The following RNF220 variants were observed in gnomAD, a reference collection of about 807,000 sequenced individuals.
RNF220 encodes E3 ubiquitin-protein ligase RNF220.
A neutral mutation model predicts 67.1 loss-of-function variants in RNF220; 7 were observed. The observed-to-expected ratio is 0.10, with a 90% CI of 0.06 to 0.20. RNF220 has a LOEUF of 0.20. Among genes scored for constraint, RNF220 ranks in the 10% least tolerant of loss-of-function variants. The probability of loss-of-function intolerance (pLI) is 1.00; values close to 1 mark genes in which losing one functional copy is unlikely to be tolerated. For synonymous variants in RNF220, 270 were observed against 283.2 expected (o/e 0.95, Z 0.47); for missense variants, 565 against 740.3 (o/e 0.76, Z 2.75).
chr1:44,592,265 G>A (rs767713351), intron 2 of RNF220, among the ~76,000 whole-genome samples: 3 of 152,222 alleles, frequency 2.0e-5, no homozygotes, highest in Non-Finnish European at 4.4e-5. Flanking sequence ...GGAGAGCAAG[G>A]GAGCCTGGGA....
intron 2 of RNF220, among the ~76,000 whole-genome samples, chr1:44,504,932 C>T (rs1291190161): frequency 6.6e-6 from 1 of 152,186 alleles, no homozygotes; most frequent in Non-Finnish European, 1.5e-5. Flanking sequence ...AACCACATCA[C>T]TGGTTCTGAC....
chr1:44,419,925 C>G (rs367711398), intron 2 of RNF220: 1 of 152,216 alleles, frequency 6.6e-6, no homozygotes, highest in Non-Finnish European at 1.5e-5. Flanking sequence ...TGGAGCCTAT[C>G]CCCTTTCCAA....
intron 2 of RNF220, among the ~76,000 whole-genome samples, chr1:44,568,183 C>T (rs1572904310): frequency 6.6e-6 from 1 of 152,206 alleles, no homozygotes; most frequent in South Asian, 2.1e-4. Flanking sequence ...TGCTGAGAAT[C>T]CTCCAGTAAC....
chr1:44,407,157 G>A (rs931914332), intron 1 of RNF220, among the ~76,000 whole-genome samples: 42 of 152,250 alleles, frequency 2.8e-4, no homozygotes, highest in African/African-American at 9.6e-4. Flanking sequence ...TGGGGTCTGC[G>A]CCGGCCCACT....
intron 2 of RNF220, among the ~76,000 whole-genome samples, chr1:44,435,383 G>T (rs989723245): frequency 6.6e-6 from 1 of 152,164 alleles, no homozygotes; most frequent in African/African-American, 2.4e-5. Flanking sequence ...AATTAAATGA[G>T]ATAATGTATT....
chr1:44,455,962 G>A (rs1171484209), intron 2 of RNF220, among the ~76,000 whole-genome samples: 1 of 152,136 alleles, frequency 6.6e-6, no homozygotes, highest in Admixed American at 6.5e-5. Context: ...TAAGCTTTGG[G>A]GTGGGAGTAA....
Position 44,626,279 on chromosome 1 carries a change from T to G in RNF220, c.805-18T>G. 6.2e-7 allele frequency: 1 copy of G among 1,604,130 alleles called. No individual in the cohort carries two copies. Among genetic ancestry groups the G allele is most frequent in the Non-Finnish European group, 8.5e-7 (1 of 1,171,024 alleles). ...GTCTCATTTGGCCTGAGGCCACATG[T>G]CTTTTTTCTTCTTCCAGTCCCTCCT... is the stretch of plus-strand genomic sequence containing the variant. On this transcript the variant is annotated intron_variant, in intron 4 of 14. Coordinates refer to ENST00000361799, the MANE Select transcript of RNF220 (RefSeq NM_018150.4).
At chr1:44,549,355 G>A (rs949491034) in intron 2 of RNF220, among the ~76,000 whole-genome samples, 3 of 152,186 alleles carry the variant, frequency 2.0e-5, no homozygotes, top group African/African-American at 4.8e-5. Flanking sequence ...AAGTTTAAGC[G>A]AAGGAGGCAG....
intron 2 of RNF220, among the ~76,000 whole-genome samples, chr1:44,557,142 G>GTATGTATATATAATATATATACA (rs1558041049): frequency 1.4e-4 from 21 of 144,900 alleles, no homozygotes; most frequent in Non-Finnish European, 2.6e-4. Context: ...TTTTATATAC[G>GTATGTATATATAATATATATACA]TATGTATATA....
At chr1:44,501,361 T>G (rs1463390533) in intron 2 of RNF220, among the ~76,000 whole-genome samples, 1 of 147,994 alleles carries the variant, frequency 6.8e-6, no homozygotes, top group Admixed American at 6.7e-5. Context: ...AGAGAAAGGT[T>G]AATGCTAGAG....
chr1:44,503,333 CA>C (rs34103792), intron 2 of RNF220, among the ~76,000 whole-genome samples: 31,647 of 83,322 alleles, frequency 0.38, 3,196 homozygotes, highest in East Asian at 0.52. Flanking sequence ...GATGCTGTCT[CA>C]AAAAAAAAAA....
At chr1:44,450,928 A>G (rs1652605473) in intron 2 of RNF220, among the ~76,000 whole-genome samples, 1 of 152,236 alleles carries the variant, frequency 6.6e-6, no homozygotes, top group African/African-American at 2.4e-5. Context: ...TCACGCCTGT[A>G]ATCCCAGCAC....
chr1:44,474,471 G>A (rs1448682079), intron 2 of RNF220, among the ~76,000 whole-genome samples: 1 of 151,302 alleles, frequency 6.6e-6, no homozygotes, highest in Non-Finnish European at 1.5e-5. Flanking sequence ...CACTTTGGGA[G>A]GCCAAGGAGG....
rs775604618 is a variant in RNF220 at position 44,650,745 on chromosome 1, G to A, written c.1671G>A (p.Ala557=). The A allele has an allele frequency of 3.1e-5, 50 of 1,613,794 alleles. No individual in the cohort carries two copies. The highest frequency in any genetic ancestry group is 7.7e-5 in the South Asian group (7 of 91,082). ...GCCCTCAGTGCAACACGATCACAGCGCCCGGAGACCTGCGGAGGATCTACT... is the reference window on the plus strand; with the variant it reads ...GCCCTCAGTGCAACACGATCACAGCACCCGGAGACCTGCGGAGGATCTACT... The part of the protein sequence containing the change: ...KLCPQCNTIT[A]PGDLRRIYL The change falls in exon 15 of 15, where the codon GCG becomes GCA. Residue 557 remains alanine, a synonymous_variant. Coordinates refer to ENST00000361799, the MANE Select transcript of RNF220 (RefSeq NM_018150.4). This position sits in a 1 kb window ranked among gnomAD's most constrained non-coding sequence, Gnocchi z 4.3.
At chr1:44,537,996 A>G (rs1661367187) in intron 2 of RNF220, among the ~76,000 whole-genome samples, 1 of 152,246 alleles carries the variant, frequency 6.6e-6, no homozygotes, top group Non-Finnish European at 1.5e-5. Context: ...CATGCAGAAT[A>G]GTTACTTTCG....
rs1667294896 is a variant in RNF220, at chr1:44,606,686, G to A, written c.626-7479G>A. On this transcript the variant is annotated intron_variant, in intron 2 of 14. Coordinates refer to ENST00000361799, the MANE Select transcript of RNF220 (RefSeq NM_018150.4). The surrounding 1 kb of genome is among the most constrained non-coding windows in gnomAD (Gnocchi z 4.2). ...TCCTCTAACTGTAAACGAAGGTTCT[G>A]TTCCAGACACTCTTCCTAGTGTATT... is the stretch of plus-strand genomic sequence containing the variant. 1.3e-5 allele frequency among the ~76,000 whole-genome samples: 2 copies of A among 152,128 alleles called. No homozygotes were observed. The highest frequency in any genetic ancestry group is 2.4e-5 in the African/African-American group (1 of 41,416).
At chr1:44,612,279 A>G (rs932911563) in intron 2 of RNF220, among the ~76,000 whole-genome samples, 1 of 152,126 alleles carries the variant, frequency 6.6e-6, no homozygotes, top group African/African-American at 2.4e-5. Flanking sequence ...TTGCTTCATC[A>G]TGGAGCATCT....
chr1:44,542,990 G>A lies in RNF220; in HGVS notation c.626-71175G>A, dbSNP rs570143777. The stretch of plus-strand genomic sequence containing the variant: ...TCATTCCTGGAGGGCCCTGTCTCTC[G>A]GCAGTGTTGCTAGGTGCGGTGAGCC... On this transcript the variant is annotated intron_variant, in intron 2 of 14. Transcript: ENST00000361799. 7.2e-5 allele frequency among the ~76,000 whole-genome samples: 11 copies of A among 152,244 alleles called. No individual in the cohort carries two copies. The South Asian group carries it at 8.3e-4, about 11-fold the overall frequency.
At chr1:44,601,415 G>T (rs1223386547) in intron 2 of RNF220, among the ~76,000 whole-genome samples, 1 of 152,190 alleles carries the variant, frequency 6.6e-6, no homozygotes, top group Non-Finnish European at 1.5e-5. Flanking sequence ...CTGTAATATG[G>T]GAAAGACGTG....
Sources: allele counts gnomAD v4.1 joint callset (sites outside exome capture counted in the v4.1 genomes callset), GRCh38; gene constraint gnomAD v4.1.1; non-coding constraint Gnocchi (gnomAD v3.1); transcripts MANE v1.5; gene names NCBI Gene and HGNC (gene_info 2026-07-23, HGNC 2026-07-21).